SIK2: variants seen among roughly 807,000 people sequenced by gnomAD.
The protein encoded by SIK2 is serine/threonine-protein kinase SIK2.
Under a neutral mutation model 103.2 loss-of-function variants are expected in SIK2, and 29 were observed. The ratio of observed to expected loss-of-function variants is 0.28; its 90% CI spans 0.21 to 0.38. The LOEUF (loss-of-function observed/expected upper bound fraction) is 0.38. Among genes scored for constraint, SIK2 ranks in the 10% least tolerant of loss-of-function variants. SIK2 has a pLI of 1.00. For synonymous variants in SIK2, 412 were observed against 446.1 expected (o/e 0.92, Z 0.96); for missense variants, 879 against 1,171.0 (o/e 0.75, Z 3.64).
chr11:111,623,407 A>G (rs1204441638), intron 3 of SIK2, among the ~76,000 whole-genome samples: 3 of 152,102 alleles, frequency 2.0e-5, no homozygotes, highest in Non-Finnish European at 2.9e-5. Flanking sequence ...TTCCTATTTC[A>G]TTACATGTCT....
At position 111,709,922 on chromosome 11, in the gene SIK2, G is replaced by A. The variant is rs1222979277; in HGVS notation, c.1102-2289G>A. 5.9e-5 allele frequency among the ~76,000 whole-genome samples: 9 copies of A among 152,344 alleles called. No homozygotes were observed. The East Asian group carries it at 9.6e-4, about 16-fold the overall frequency. ...ACAGCACCGTCTGGCCATTTAAAGC[G>A]TCCGAGCTAGTGAGAGTCAGGGACG... On this transcript the variant is annotated intron_variant, in intron 8 of 14. Coordinates refer to ENST00000304987, the MANE Select transcript of SIK2 (RefSeq NM_015191.3).
Position 111,701,103 on chromosome 11 carries a change from T to A in SIK2, c.603+93T>A. On this transcript the variant is annotated intron_variant, in intron 5 of 14. Coordinates refer to ENST00000304987, the MANE Select transcript of SIK2 (RefSeq NM_015191.3). The surrounding 1 kb of genome is among the most constrained non-coding windows in gnomAD (Gnocchi z 4.2). ...TTAGAAGCTCCTGGTACTTAACACA[T>A]AAGCAGTATTTCATATTTTCCCCAT... The A allele has an allele frequency of 6.8e-7, 1 of 1,463,620 alleles. No individual in the cohort carries two copies. The highest frequency in any genetic ancestry group is 9.2e-7 in the Non-Finnish European group (1 of 1,089,584). 90.7% of individuals were successfully genotyped at this position (1,463,620 alleles called of 1,614,324 possible). A position where few individuals can be genotyped will look rare whatever the true frequency, so the allele number is the denominator to read the frequency against.
rs145172527 is a variant in SIK2, at chr11:111,723,767, G to A, written c.2419G>A (p.Gly807Ser). The change falls in exon 15 of 15, where the codon GGT becomes AGT. Residue 807 changes from glycine (G) to serine (S), a missense_variant. Transcript: ENST00000304987. Reference sequence around the variant, plus strand: ...GCTTCAGCCCCTGCCCTCCACTTCCGGTCCCCGGGCTGCTCCTCCTCTGCC... The same window carrying A: ...GCTTCAGCCCCTGCCCTCCACTTCCAGTCCCCGGGCTGCTCCTCCTCTGCC... ...MQLQPLPSTS[G>S]PRAAPPLPTQ... is the part of the protein sequence containing the mutation. 2.2e-4 allele frequency: 358 copies of A among 1,613,952 alleles called. 2 individuals are homozygous for A. The South Asian group carries it at 2.7e-3, about 12-fold the overall frequency.
intron 3 of SIK2, among the ~76,000 whole-genome samples, chr11:111,644,274 C>A (rs1430638256): frequency 7.9e-6 from 1 of 126,248 alleles, no homozygotes; most frequent in Admixed American, 9.7e-5. Flanking sequence ...GGCGACAGAG[C>A]GAGACTCCAT....
At chr11:111,630,268 G>A (rs1424721119) in intron 3 of SIK2, among the ~76,000 whole-genome samples, 2 of 152,164 alleles carry the variant, frequency 1.3e-5, no homozygotes, top group East Asian at 3.8e-4. Context: ...TTCTATAACA[G>A]TCAACACTAA....
rs1481324512 is a variant in SIK2 at position 111,688,972 on chromosome 11, A to T, written c.478+810A>T. Among the ~76,000 whole-genome samples the T allele has an allele frequency of 2.0e-5, 3 of 152,242 alleles. No homozygotes were observed. Among genetic ancestry groups the T allele is most frequent in the Non-Finnish European group, 4.4e-5 (3 of 68,044 alleles). On this transcript the variant is annotated intron_variant, in intron 4 of 14. Coordinates refer to ENST00000304987, the MANE Select transcript of SIK2 (RefSeq NM_015191.3). This position sits in a 1 kb window ranked among gnomAD's most constrained non-coding sequence, Gnocchi z 4.2. ...TACAAACTGCATGGGAGTATAGGTGAGGGAACAAGCAGTCTACCTGAAGAG... is the reference window on the plus strand; with the variant it reads ...TACAAACTGCATGGGAGTATAGGTGTGGGAACAAGCAGTCTACCTGAAGAG...
Position 111,730,366 on chromosome 11 carries a change from T to A in SIK2, c.*6237T>A, listed in dbSNP as rs1321809908. 1 of 152,200 alleles carries A rather than the reference T, an allele frequency of 6.6e-6. No individual in the cohort carries two copies. Among genetic ancestry groups the A allele is most frequent in the Non-Finnish European group, 1.5e-5 (1 of 68,046 alleles). 9.4% of individuals were successfully genotyped at this position (152,200 alleles called of 1,614,324 possible). On this transcript the variant is annotated 3_prime_UTR_variant, in exon 15 of 15. Transcript: ENST00000304987. ...TCCACCATGGGTGGTAAGAGAAACC[T>A]GCCTTCACCAAAATCTCTGAAGGGG...
chr11:111,646,176 A>C (rs763549685), intron 3 of SIK2, among the ~76,000 whole-genome samples: 4 of 152,166 alleles, frequency 2.6e-5, no homozygotes, highest in Admixed American at 2.0e-4. Flanking sequence ...TTGGCCGGGC[A>C]TGGTGGCTCA....
At chr11:111,634,277 T>C (rs1942076866) in intron 3 of SIK2, among the ~76,000 whole-genome samples, 1 of 152,190 alleles carries the variant, frequency 6.6e-6, no homozygotes. Context: ...CAAAATACCT[T>C]TGGACACTGG....
intron 1 of SIK2, among the ~76,000 whole-genome samples, chr11:111,603,102 A>C (rs1231224226): frequency 1.3e-5 from 2 of 151,844 alleles, no homozygotes; most frequent in African/African-American, 4.8e-5. Context: ...CGGTGTTCCC[A>C]GGCTGCGCCG....
intron 9 of SIK2, among the ~76,000 whole-genome samples, chr11:111,715,793 C>CTTTTTTTTTTTT (rs535843069): frequency 4.9e-5 from 4 of 81,594 alleles, no homozygotes; most frequent in African/African-American, 9.8e-5. Flanking sequence ...TCATTTTTAG[C>CTTTTTTTTTTTT]TTTTTTTTTT....
intron 3 of SIK2, among the ~76,000 whole-genome samples, chr11:111,663,123 A>C (rs969295601): frequency 6.6e-6 from 1 of 151,378 alleles, no homozygotes; most frequent in Non-Finnish European, 1.5e-5. Flanking sequence ...AGTCTCAGCT[A>C]CCCAGGAGGC....
At chr11:111,638,531 G>T (rs1942140338) in intron 3 of SIK2, among the ~76,000 whole-genome samples, 1 of 152,074 alleles carries the variant, frequency 6.6e-6, no homozygotes, top group Admixed American at 6.6e-5. Flanking sequence ...CATTGCTGAG[G>T]CTTCAAGTTT....
At chr11:111,694,058 G>A (rs1220373282) in intron 4 of SIK2, among the ~76,000 whole-genome samples, 3 of 152,184 alleles carry the variant, frequency 2.0e-5, no homozygotes, top group Non-Finnish European at 4.4e-5. Context: ...ACTTAGAACA[G>A]TGCCCGGCAC....
At chr11:111,669,563 C>A (rs182653871) in intron 3 of SIK2, among the ~76,000 whole-genome samples, 13 of 151,430 alleles carry the variant, frequency 8.6e-5, no homozygotes, top group East Asian at 1.9e-4. Flanking sequence ...AGACACCCCC[C>A]CTCCCGCCCC....
intron 3 of SIK2, among the ~76,000 whole-genome samples, chr11:111,644,162 G>A (rs1942221245): frequency 6.6e-6 from 1 of 151,350 alleles, no homozygotes; most frequent in Admixed American, 6.6e-5. Context: ...GGTGACTTGT[G>A]CCAGTAGTCC....
chr11:111,602,827 G>T lies in SIK2; in HGVS notation c.135+129G>T. 1 of 1,330,150 alleles carries T rather than the reference G, an allele frequency of 7.5e-7. No homozygotes were observed. Among genetic ancestry groups the T allele is most frequent in the Non-Finnish European group, 9.7e-7 (1 of 1,029,506 alleles). 82.4% of individuals were successfully genotyped at this position (1,330,150 alleles called of 1,614,324 possible). A position where few individuals can be genotyped will look rare whatever the true frequency, so the allele number is the denominator to read the frequency against. On this transcript the variant is annotated intron_variant, in intron 1 of 14. Coordinates refer to ENST00000304987, the MANE Select transcript of SIK2 (RefSeq NM_015191.3). This position sits in a 1 kb window ranked among gnomAD's most constrained non-coding sequence, Gnocchi z 4.5. ...GCCGCCTCACTGGCGGAGGCGAGCG[G>T]GCCTGGGACTGTGAGGACCCAGGAG... is the stretch of plus-strand genomic sequence containing the variant.
At chr11:111,619,476 T>G (rs1258985689) in intron 2 of SIK2, among the ~76,000 whole-genome samples, 1 of 152,212 alleles carries the variant, frequency 6.6e-6, no homozygotes, top group African/African-American at 2.4e-5. Context: ...CCCAAGTAGC[T>G]GGGATCACAG....
intron 3 of SIK2, among the ~76,000 whole-genome samples, chr11:111,664,606 A>G (rs1052008171): frequency 7.9e-5 from 12 of 151,864 alleles, no homozygotes; most frequent in African/African-American, 1.7e-4. Flanking sequence ...ACAGAGCGAG[A>G]CTCCATCTCA....
Sources: allele counts gnomAD v4.1 joint callset (sites outside exome capture counted in the v4.1 genomes callset), GRCh38; gene constraint gnomAD v4.1.1; non-coding constraint Gnocchi (gnomAD v3.1); transcripts MANE v1.5; gene names NCBI Gene and HGNC (gene_info 2026-07-23, HGNC 2026-07-21).